The following BTBD9 variants were observed in gnomAD, a reference collection of about 807,000 sequenced individuals.
BTBD9 encodes BTB/POZ domain-containing protein 9.
A neutral mutation model predicts 64.3 loss-of-function variants in BTBD9; 49 were observed. The observed-to-expected ratio is 0.76, with a 90% confidence interval of 0.61 to 0.97. BTBD9 has a LOEUF of 0.97. BTBD9 is among the 50% of genes least tolerant of loss of function. BTBD9 has a pLI of 0.00. For missense variants in BTBD9, 598 were observed against 762.1 expected, an observed-to-expected ratio of 0.78 and a Z score of 2.53; for synonymous variants, 260 against 274.7, an observed-to-expected ratio of 0.95 and a Z score of 0.53.
At chr6:38,284,508 A>T (rs1030185687) in intron 8 of BTBD9, among the ~76,000 whole-genome samples, 5 of 152,212 alleles carry the variant, frequency 3.3e-5, no homozygotes, top group African/African-American at 1.2e-4. Context: ...TAATAACCTC[A>T]TGTAGTCCAC....
At chr6:38,567,585 T>C (rs947198569) in intron 6 of BTBD9, among the ~76,000 whole-genome samples, 7 of 152,174 alleles carry the variant, frequency 4.6e-5, no homozygotes, top group African/African-American at 7.2e-5. Flanking sequence ...CTTGCAGGGA[T>C]TGAGCCCTCT....
chr6:38,217,934 GGGATGTCCTACCTGTTGCA>G (rs1763068175), intron 9 of BTBD9, among the ~76,000 whole-genome samples: 2 of 152,002 alleles, frequency 1.3e-5, no homozygotes, highest in Admixed American at 1.3e-4. Context: ...TTGTACCCAA[GGGATGTCCTACCTGTTGCA>G]GGACCAACTG....
At chr6:38,565,566 A>T (rs1028700131) in intron 6 of BTBD9, among the ~76,000 whole-genome samples, 12 of 152,200 alleles carry the variant, frequency 7.9e-5, no homozygotes, top group African/African-American at 2.9e-4. Flanking sequence ...ACAAGTGCAC[A>T]GTTGTTTAAT....
rs144853661 is a variant in BTBD9 at position 38,238,166 on chromosome 6, T to C, written c.1562+18243A>G. ...ATTCAATCTTTTTTAAACAAAAAAT[T>C]TGAAGAAATTGATTCTGAGCCAAAT... is the stretch of plus-strand genomic sequence containing the variant. On this transcript the variant is annotated intron_variant, in intron 9 of 10. Coordinates refer to ENST00000481247, the MANE Select transcript of BTBD9 (RefSeq NM_001099272.2). Among the ~76,000 whole-genome samples the C allele has an allele frequency of 6.6e-5, 10 of 152,240 alleles. No homozygotes were observed. The East Asian group carries it at 1.7e-3, about 26-fold the overall frequency.
rs201357884 is a variant in BTBD9, at chr6:38,328,564, C to CGTGTGTGTGTGTGTGTGTGT, written c.1264+16400_1264+16419dup. 4.1e-3 allele frequency among the ~76,000 whole-genome samples: 534 copies of CGTGTGTGTGTGTGTGTGTGT among 130,476 alleles called. 13 individuals are homozygous for CGTGTGTGTGTGTGTGTGTGT. The highest frequency in any genetic ancestry group is 0.017 in the East Asian group (65 of 3,796). The allele number at this position is 130,476 out of a possible 152,430, so 85.6% of individuals were successfully genotyped here. ...AATATATTTCGGCCATTTAAGCCAC[C>CGTGTGTGTGTGTGTGTGTGT]GTGTGTGTGTGTGTGTGTGTGTGTG... is the stretch of plus-strand genomic sequence containing the variant. On this transcript the variant is annotated intron_variant, in intron 7 of 10. Transcript: ENST00000481247.
At chr6:38,243,346 A>T (rs1387730589) in intron 9 of BTBD9, among the ~76,000 whole-genome samples, 4 of 152,204 alleles carry the variant, frequency 2.6e-5, no homozygotes, top group African/African-American at 9.6e-5. Flanking sequence ...CCAGGTAAGG[A>T]TCGGAGGCTT....
chr6:38,512,675 C>T (rs538799464), intron 6 of BTBD9, among the ~76,000 whole-genome samples: 1 of 152,260 alleles, frequency 6.6e-6, no homozygotes, highest in South Asian at 2.1e-4. Context: ...TTAGAGGCAG[C>T]CATCACTAGT....
At chr6:38,177,383 G>A (rs188981586) in intron 10 of BTBD9, among the ~76,000 whole-genome samples, 4 of 152,204 alleles carry the variant, frequency 2.6e-5, no homozygotes, top group East Asian at 1.9e-4. Flanking sequence ...CTCCCGCTCC[G>A]TGGCCCACCC....
intron 8 of BTBD9, among the ~76,000 whole-genome samples, chr6:38,280,008 TA>T (rs1161968164): frequency 2.0e-5 from 3 of 150,774 alleles, no homozygotes; most frequent in African/African-American, 7.3e-5. Context: ...CACACAAACA[TA>T]TTTTTTTTTT....
intron 6 of BTBD9, among the ~76,000 whole-genome samples, chr6:38,374,297 G>GTGTGTATATATATA (rs1582317340): frequency 9.3e-5 from 5 of 53,700 alleles, no homozygotes; most frequent in African/African-American, 3.5e-4. Context: ...ATATATATAT[G>GTGTGTATATATATA]TATATATATG....
At chr6:38,196,218 A>T (rs944285707) in intron 9 of BTBD9, among the ~76,000 whole-genome samples, 31 of 152,238 alleles carry the variant, frequency 2.0e-4, no homozygotes, top group Non-Finnish European at 4.0e-4. Flanking sequence ...TGCTTTTAAC[A>T]GCTCTAGGAC....
At chr6:38,414,029 A>G (rs1468590770) in intron 6 of BTBD9, among the ~76,000 whole-genome samples, 1 of 152,194 alleles carries the variant, frequency 6.6e-6, no homozygotes, top group Non-Finnish European at 1.5e-5. Flanking sequence ...TATTGTAGCT[A>G]TTATGCAGCT....
At chr6:38,564,851 T>C (rs1259408879) in intron 6 of BTBD9, among the ~76,000 whole-genome samples, 5 of 151,852 alleles carry the variant, frequency 3.3e-5, no homozygotes, top group East Asian at 1.9e-4. Flanking sequence ...GAGATTGCAC[T>C]GCTGCACTCC....
rs762176056 is a variant in BTBD9, at chr6:38,598,013, C to T, written c.82G>A (p.Ala28Thr). ...HVHILSEHIGALLIGEEYGDV... is the reference protein window; with the variant it reads ...HVHILSEHIGTLLIGEEYGDV... ...CCATATTCTTCCCCAATCAACAAGG[C>T]ACCAATATGTTCAGACAAAATGTGC... Residue 28 changes from alanine to threonine, a missense_variant, in exon 2 of 11, where the codon GCC (alanine) becomes ACC (threonine). Physicochemically the swap from Ala to Thr is moderately conservative, Grantham distance 58 (BLOSUM62 0). Transcript: ENST00000481247. 2 of 1,613,988 alleles carry T rather than the reference C, an allele frequency of 1.2e-6. No individual in the cohort carries two copies. The highest frequency in any genetic ancestry group is 1.7e-6 in the Non-Finnish European group (2 of 1,179,868).
At chr6:38,386,307 A>G (rs1285664918) in intron 6 of BTBD9, among the ~76,000 whole-genome samples, 1 of 152,194 alleles carries the variant, frequency 6.6e-6, no homozygotes, top group East Asian at 1.9e-4. Context: ...GAAAAACTCC[A>G]AAGTAATATA....
chr6:38,470,632 G>C (rs1173608533), intron 6 of BTBD9, among the ~76,000 whole-genome samples: 1 of 152,206 alleles, frequency 6.6e-6, no homozygotes, highest in Admixed American at 6.5e-5. Context: ...GAACATTTTT[G>C]AAGTTTCTAA....
intron 6 of BTBD9, among the ~76,000 whole-genome samples, chr6:38,542,734 C>A (rs1334388435): frequency 2.0e-5 from 3 of 152,180 alleles, no homozygotes; most frequent in Non-Finnish European, 4.4e-5. Flanking sequence ...CTTGCCCTAA[C>A]CTGGGCGGGA....
At chr6:38,609,374 A>G (rs917653592) in intron 1 of BTBD9, among the ~76,000 whole-genome samples, 19 of 152,132 alleles carry the variant, frequency 1.2e-4, no homozygotes, top group African/African-American at 4.6e-4. Context: ...TGTCTCAAAA[A>G]AAAAGAGTTT....
intron 7 of BTBD9, among the ~76,000 whole-genome samples, chr6:38,337,572 T>C (rs116769414): frequency 1.3e-3 from 193 of 152,378 alleles, no homozygotes; most frequent in Non-Finnish European, 2.2e-3. Flanking sequence ...TCAGTTCCTT[T>C]GCAGCCCAAA....
Sources: gnomAD v4.1 joint callset for allele counts (sites outside exome capture counted in the v4.1 genomes callset) on GRCh38, gnomAD v4.1.1 for gene constraint, MANE v1.5 for transcripts, NCBI Gene and HGNC (gene_info 2026-07-23, HGNC 2026-07-21) for gene names.